PTPRD: variants seen among roughly 807,000 people sequenced by gnomAD.
PTPRD encodes the protein receptor-type tyrosine-protein phosphatase delta.
Under a neutral mutation model 214.5 loss-of-function variants are expected in PTPRD, and 34 were observed. The ratio of observed to expected loss-of-function variants is 0.16; its 90% CI spans 0.12 to 0.21. The LOEUF (loss-of-function observed/expected upper bound fraction) is 0.21, where lower values mean the gene tolerates loss of function less well. Among genes scored for constraint, PTPRD ranks in the 10% least tolerant of loss-of-function variants. The pLI is 1.00. For missense variants in PTPRD, 2,545 were observed against 2,398.7 expected (o/e 1.06, Z -1.27); for synonymous variants, 1,128 against 845.7 (o/e 1.33, Z -5.79).
At chr9:9,090,557 C>T (rs9696332) in intron 10 of PTPRD, among the ~76,000 whole-genome samples, 148 of 152,118 alleles carry the variant, frequency 9.7e-4, no homozygotes, top group African/African-American at 3.3e-3. Context: ...AATATGTCAG[C>T]GTTATTAGGT....
chr9:8,964,050 G>A (rs1177600296), intron 11 of PTPRD, among the ~76,000 whole-genome samples: 1 of 151,988 alleles, frequency 6.6e-6, no homozygotes, highest in East Asian at 1.9e-4. Context: ...ATATCAGGGT[G>A]ATGCTGGCTT....
chr9:8,548,538 T>G (rs2080996580), intron 14 of PTPRD, among the ~76,000 whole-genome samples: 1 of 151,586 alleles, frequency 6.6e-6, no homozygotes, highest in Non-Finnish European at 1.5e-5. Context: ...TGGCTAATTT[T>G]GGTATTTTTA....
At chr9:10,062,059 T>G (rs1022102061) in intron 3 of PTPRD, among the ~76,000 whole-genome samples, 3 of 151,894 alleles carry the variant, frequency 2.0e-5, no homozygotes, top group African/African-American at 7.3e-5. Context: ...AAAGATTGAA[T>G]AAAAAACTAA....
intron 10 of PTPRD, among the ~76,000 whole-genome samples, chr9:9,029,360 G>C (rs552227943): frequency 6.5e-4 from 98 of 151,866 alleles, no homozygotes; most frequent in African/African-American, 2.2e-3. Context: ...GTTAGGAGGG[G>C]CTAGAGATTA....
At chr9:10,270,122 C>A (rs1343998528) in intron 3 of PTPRD, among the ~76,000 whole-genome samples, 1 of 152,028 alleles carries the variant, frequency 6.6e-6, no homozygotes, top group African/African-American at 2.4e-5. Flanking sequence ...AAGTTTTAAA[C>A]AGTAAGAAGT....
At chr9:9,956,357 A>G (rs1177732367) in intron 4 of PTPRD, among the ~76,000 whole-genome samples, 2 of 151,840 alleles carry the variant, frequency 1.3e-5, no homozygotes, top group Non-Finnish European at 2.9e-5. Context: ...ATTGAGGCTG[A>G]GAGTCAGATG....
chr9:9,157,319 AC>A (rs1276274585), intron 10 of PTPRD, among the ~76,000 whole-genome samples: 1 of 152,148 alleles, frequency 6.6e-6, no homozygotes, highest in East Asian at 1.9e-4. Flanking sequence ...GAAAAAAATT[AC>A]AAAAAATTAA....
At chr9:8,833,713 TATAC>T (rs1401000165) in intron 11 of PTPRD, among the ~76,000 whole-genome samples, 95 of 123,660 alleles carry the variant, frequency 7.7e-4, no homozygotes, top group East Asian at 4.1e-3. Context: ...TATATATATA[TATAC>T]ACACACACAC....
intron 11 of PTPRD, among the ~76,000 whole-genome samples, chr9:8,827,445 A>G (rs1292603741): frequency 6.6e-6 from 1 of 152,080 alleles, no homozygotes; most frequent in Non-Finnish European, 1.5e-5. Context: ...CATCTCTACT[A>G]AAAATACAAA....
chr9:8,581,947 GA>G lies in PTPRD; in HGVS notation c.352+51369del, dbSNP rs1355143484. On this transcript the variant is annotated intron_variant, in intron 14 of 45. Coordinates refer to ENST00000381196, the MANE Select transcript of PTPRD (RefSeq NM_002839.4). ...AAAAAAAAAAAAAAAAAAAAAGAGG[GA>G]AAAAAAGGAGGACAGAGCTATAGAT... Among the ~76,000 whole-genome samples, 1,139 of 130,362 alleles carry G rather than the reference GA, an allele frequency of 8.7e-3. 18 individuals carry two copies. Among genetic ancestry groups the G allele is most frequent in the African/African-American group, 0.034 (1,088 of 31,964 alleles). 85.5% of individuals were successfully genotyped at this position (130,362 alleles called of 152,430 possible).
chr9:9,677,984 A>G (rs1246391181), intron 7 of PTPRD, among the ~76,000 whole-genome samples: 2 of 152,154 alleles, frequency 1.3e-5, no homozygotes, highest in Non-Finnish European at 2.9e-5. Context: ...TTCAAAGAGA[A>G]TAAAATACCT....
At chr9:8,528,165 T>C in intron 15 of PTPRD, 1 of 367,884 alleles carries the variant, frequency 2.7e-6, no homozygotes, top group Non-Finnish European at 4.8e-6. Context: ...TAGGGTTTAA[T>C]ATGAACATTT....
chr9:8,819,308 C>G (rs1343221169), intron 11 of PTPRD, among the ~76,000 whole-genome samples: 1 of 151,968 alleles, frequency 6.6e-6, no homozygotes, highest in African/African-American at 2.4e-5. Context: ...GTGAGGTAGA[C>G]TGATCTGTTT....
chr9:10,227,050 C>T (rs968429984), intron 3 of PTPRD, among the ~76,000 whole-genome samples: 1 of 151,950 alleles, frequency 6.6e-6, no homozygotes, highest in Non-Finnish European at 1.5e-5. Context: ...ATGACAACAT[C>T]TATACATAAT....
At chr9:8,535,837 T>G (rs916542289) in intron 14 of PTPRD, among the ~76,000 whole-genome samples, 1 of 151,920 alleles carries the variant, frequency 6.6e-6, no homozygotes, top group Non-Finnish European at 1.5e-5. Flanking sequence ...ATAGCTCCAT[T>G]AATTGTTCAG....
chr9:8,530,419 G>C (rs552793669), intron 14 of PTPRD, among the ~76,000 whole-genome samples: 5 of 152,066 alleles, frequency 3.3e-5, no homozygotes, highest in Non-Finnish European at 7.4e-5. Flanking sequence ...CGCAGCCAAA[G>C]TCACCTTCTT....
intron 9 of PTPRD, among the ~76,000 whole-genome samples, chr9:9,214,118 T>A (rs756533522): frequency 1.3e-5 from 2 of 152,136 alleles, no homozygotes; most frequent in Non-Finnish European, 2.9e-5. Context: ...CAACAGAGTG[T>A]TGTCTGCCCC....
intron 4 of PTPRD, among the ~76,000 whole-genome samples, chr9:9,986,365 A>G (rs958603235): frequency 6.6e-6 from 1 of 152,174 alleles, no homozygotes; most frequent in Admixed American, 6.5e-5. Context: ...GAAATTAAAT[A>G]AATTATAGGT....
intron 10 of PTPRD, among the ~76,000 whole-genome samples, chr9:9,066,593 A>T (rs2099734807): frequency 6.6e-6 from 1 of 152,150 alleles, no homozygotes; most frequent in Non-Finnish European, 1.5e-5. Flanking sequence ...AAATTAAGGA[A>T]CTTGAGAGGG....
Sources: gnomAD v4.1 joint callset for allele counts (sites outside exome capture counted in the v4.1 genomes callset) on GRCh38, gnomAD v4.1.1 for gene constraint, MANE v1.5 for transcripts, NCBI Gene and HGNC (gene_info 2026-07-23, HGNC 2026-07-21) for gene names.